The following NBEA variants were observed in gnomAD, a reference collection of about 807,000 sequenced individuals.
NBEA encodes the protein lysosomal-trafficking regulator 2.
NBEA carries 44 observed loss-of-function variants against 343.4 expected under a neutral mutation model. The ratio of observed to expected loss-of-function variants is 0.13; its 90% CI spans 0.10 to 0.16. The LOEUF (loss-of-function observed/expected upper bound fraction) is 0.16, where lower values mean the gene tolerates loss of function less well. NBEA is among the 10% of genes least tolerant of loss of function. NBEA has a pLI of 1.00. For missense variants in NBEA, 2,555 were observed against 3,631.3 expected, an observed-to-expected ratio of 0.70 and a Z score of 7.62; for synonymous variants, 1,175 against 1,238.7, an observed-to-expected ratio of 0.95 and a Z score of 1.08.
chr13:35,579,576 C>T (rs1231191918), intron 45 of NBEA, among the ~76,000 whole-genome samples: 2 of 151,880 alleles, frequency 1.3e-5, no homozygotes, highest in East Asian at 3.8e-4. Context: ...AAATACATAC[C>T]AGAATGTTTC....
chr13:34,971,903 G>C (rs1203959608), intron 1 of NBEA, among the ~76,000 whole-genome samples: 2 of 151,380 alleles, frequency 1.3e-5, no homozygotes, highest in Non-Finnish European at 2.9e-5. Context: ...TTTTGGAATA[G>C]TTTCAATAGG....
chr13:35,454,255 TAA>T (rs1214602017), intron 40 of NBEA, among the ~76,000 whole-genome samples: 2 of 152,218 alleles, frequency 1.3e-5, no homozygotes, highest in Non-Finnish European at 2.9e-5. Context: ...ATTTATTTTG[TAA>T]ATGCTGAAGC....
At chr13:35,213,264 T>C (rs1409911929) in intron 33 of NBEA, among the ~76,000 whole-genome samples, 1 of 152,030 alleles carries the variant, frequency 6.6e-6, no homozygotes, top group African/African-American at 2.4e-5. Context: ...CACAAATTAG[T>C]TTTTCATATA....
At chr13:35,398,787 T>C (rs1451940325) in intron 38 of NBEA, among the ~76,000 whole-genome samples, 4 of 152,072 alleles carry the variant, frequency 2.6e-5, no homozygotes, top group African/African-American at 9.7e-5. Flanking sequence ...ATTTTTTGAA[T>C]GGTCAATGAG....
At chr13:35,566,301 C>T (rs753801201) in intron 44 of NBEA, among the ~76,000 whole-genome samples, 2 of 152,060 alleles carry the variant, frequency 1.3e-5, no homozygotes, top group Non-Finnish European at 2.9e-5. Flanking sequence ...GCAGAGGTTG[C>T]GGTGAGCCAA....
chr13:35,662,317 T>C (rs1211850794), intron 55 of NBEA, among the ~76,000 whole-genome samples: 1 of 152,202 alleles, frequency 6.6e-6, no homozygotes. Context: ...GAGGCAGTGG[T>C]GGGCCTGAGG....
At chr13:34,996,131 A>G (rs2060931951) in intron 1 of NBEA, among the ~76,000 whole-genome samples, 2 of 152,308 alleles carry the variant, frequency 1.3e-5, no homozygotes, top group South Asian at 4.1e-4. Flanking sequence ...TAGATTTGCT[A>G]TATAATACCA....
chr13:34,989,798 C>T (rs903657044), intron 1 of NBEA, among the ~76,000 whole-genome samples: 3 of 150,780 alleles, frequency 2.0e-5, no homozygotes, highest in Non-Finnish European at 3.0e-5. Flanking sequence ...GGACAAGGCA[C>T]GTCTATTTGC....
In NBEA at chr13:35,066,632, A is replaced by AT. The variant is rs778564839; in HGVS notation, c.1240-3270dup. On this transcript the variant is annotated intron_variant, in intron 8 of 58. Coordinates refer to ENST00000379939, the MANE Select transcript of NBEA (RefSeq NM_001385012.1). ...ATTCCAGCTTTCTTGTGGTTTCTTG[A>AT]TTTTTTCCCATTTTATTTACTTTAA... 1.3e-4 allele frequency among the ~76,000 whole-genome samples: 20 copies of AT among 150,842 alleles called. No homozygotes were observed. In the East Asian group the frequency reaches 3.7e-3, roughly 28 times the overall value.
intron 41 of NBEA, among the ~76,000 whole-genome samples, chr13:35,472,879 T>C (rs1289607883): frequency 6.6e-6 from 1 of 152,196 alleles, no homozygotes; most frequent in South Asian, 2.1e-4. Flanking sequence ...AAATTTCTTA[T>C]TAAGATCACT....
chr13:35,137,150 A>C (rs1168598912), intron 17 of NBEA, among the ~76,000 whole-genome samples: 1 of 152,094 alleles, frequency 6.6e-6, no homozygotes, highest in Non-Finnish European at 1.5e-5. Flanking sequence ...AGAGATTTTT[A>C]ATTAGAAAAA....
chr13:35,568,340 G>A (rs1185814145), intron 45 of NBEA, among the ~76,000 whole-genome samples: 1 of 152,136 alleles, frequency 6.6e-6, no homozygotes, highest in Non-Finnish European at 1.5e-5. Context: ...ACATCTTACT[G>A]AGAGTCACAC....
chr13:35,454,495 T>A (rs1398386262), intron 40 of NBEA, among the ~76,000 whole-genome samples: 1 of 152,210 alleles, frequency 6.6e-6, no homozygotes, highest in Non-Finnish European at 1.5e-5. Context: ...ACTCATAACA[T>A]GTCATTCTAA....
chr13:35,545,607 A>G (rs2079027021), intron 41 of NBEA, among the ~76,000 whole-genome samples: 1 of 152,250 alleles, frequency 6.6e-6, no homozygotes. Context: ...TTGATGCTCA[A>G]GAAGGGGTTC....
At chr13:35,197,585 T>G (rs1296773831) in intron 31 of NBEA, among the ~76,000 whole-genome samples, 3 of 152,026 alleles carry the variant, frequency 2.0e-5, no homozygotes, top group African/African-American at 7.2e-5. Flanking sequence ...TGGTGCGATC[T>G]TGGCTCACTG....
intron 33 of NBEA, among the ~76,000 whole-genome samples, chr13:35,215,690 A>T (rs1403459179): frequency 6.6e-6 from 1 of 151,698 alleles, no homozygotes; most frequent in African/African-American, 2.4e-5. Flanking sequence ...CTAAACTCAC[A>T]TAATCGATCT....
intron 6 of NBEA, among the ~76,000 whole-genome samples, chr13:35,054,638 C>G (rs922140683): frequency 1.5e-5 from 2 of 130,124 alleles, no homozygotes; most frequent in Non-Finnish European, 3.4e-5. Flanking sequence ...TTTCTGTTTT[C>G]TTTTCTTTTT....
chr13:35,472,235 A>G (rs1427631665), intron 40 of NBEA, among the ~76,000 whole-genome samples, 165 bp from the exon 41 acceptor site: 1 of 152,208 alleles, frequency 6.6e-6, no homozygotes, highest in Non-Finnish European at 1.5e-5. Flanking sequence ...GTAATGTATA[A>G]AAGCTAAGTA....
chr13:35,403,622 T>G lies in NBEA; in HGVS notation c.6180-28647T>G, dbSNP rs539455973. On this transcript the variant is annotated intron_variant, in intron 38 of 58. Coordinates refer to ENST00000379939, the MANE Select transcript of NBEA (RefSeq NM_001385012.1). ...AATTAATTCAAGATGGATTAGAGAC[T>G]TAAACATTAGACCTAAAACCATAAA... is the stretch of plus-strand genomic sequence containing the variant. Among the ~76,000 whole-genome samples, 13 of 152,170 alleles carry G rather than the reference T, an allele frequency of 8.5e-5. 1 individual carries two copies. The highest frequency in any genetic ancestry group is 3.9e-4 in the East Asian group (2 of 5,186).
Sources: allele counts gnomAD v4.1 joint callset (sites outside exome capture counted in the v4.1 genomes callset), GRCh38; gene constraint gnomAD v4.1.1; transcripts MANE v1.5; gene names NCBI Gene and HGNC (gene_info 2026-07-23, HGNC 2026-07-21).